POGZ: variants seen among roughly 807,000 people sequenced by gnomAD.
POGZ encodes pogo transposable element derived with ZNF domain.
Under a neutral mutation model 134.6 loss-of-function variants are expected in POGZ, and 17 were observed. The ratio of observed to expected loss-of-function variants is 0.13; its 90% CI spans 0.09 to 0.19. The LOEUF is 0.19. Among genes scored for constraint, POGZ ranks in the 10% least tolerant of loss-of-function variants. The probability of loss-of-function intolerance (pLI) is 1.00; values close to 1 mark genes in which losing one functional copy is unlikely to be tolerated. For missense variants in POGZ, 1,306 were observed against 1,769.7 expected (o/e 0.74, Z 4.70); for synonymous variants, 693 against 657.1 (o/e 1.05, Z -0.84).
At chr1:151,442,710 CA>C (rs1277790279) in intron 1 of POGZ, among the ~76,000 whole-genome samples, 4,514 of 99,146 alleles carry the variant, frequency 0.046, 256 homozygotes, top group African/African-American at 0.17. Flanking sequence ...GACTCTGTCT[CA>C]AAAAAAAAAA....
At chr1:151,415,061 T>C (rs1288033413) in intron 10 of POGZ, among the ~76,000 whole-genome samples, 2 of 152,218 alleles carry the variant, frequency 1.3e-5, no homozygotes, top group Non-Finnish European at 2.9e-5. Flanking sequence ...TGCTGCTTGT[T>C]TTCCAAATTA....
intron 1 of POGZ, among the ~76,000 whole-genome samples, chr1:151,443,698 CA>C (rs1660882079): frequency 6.6e-6 from 1 of 152,020 alleles, no homozygotes; most frequent in Non-Finnish European, 1.5e-5. Flanking sequence ...TGGGCAACAA[CA>C]GCGAAAGTCC....
At chr1:151,455,893 T>C (rs1662707364) in intron 1 of POGZ, among the ~76,000 whole-genome samples, 1 of 139,232 alleles carries the variant, frequency 7.2e-6, no homozygotes, top group Non-Finnish European at 1.5e-5. Flanking sequence ...GTAGTTTCTT[T>C]CTTTTTTTTT....
Position 151,406,283 on chromosome 1 carries a change from G to C in POGZ, c.2752C>G (p.Pro918Ala). ...GCCTGCGGGTGAGTGGGGGTTGGTG[G>C]TGGGGTTGCAGTTGAGGCTGGTGAT... is the stretch of plus-strand genomic sequence containing the variant. ...LPSPASTATP[P>A]PTPTHPQALA... is the part of the protein sequence containing the mutation. Residue 918 changes from proline (P) to alanine (A), a missense_variant, in exon 19 of 19, where the codon CCA becomes GCA. This residue lies in a region of POGZ where 214 missense variants were observed against 255.5 expected (regional missense o/e 0.84). Transcript: ENST00000271715. The C allele has an allele frequency of 6.2e-7, 1 of 1,612,180 alleles. No individual in the cohort carries two copies. The highest frequency in any genetic ancestry group is 8.5e-7 in the Non-Finnish European group (1 of 1,178,804).
At chr1:151,440,887 C>A in intron 3 of POGZ, 41 bp downstream of exon 3, 4 of 1,569,346 alleles carry the variant, frequency 2.5e-6, no homozygotes, top group Non-Finnish European at 3.5e-6. Context: ...TTCTTTCACC[C>A]CTCTAGCCCA....
At position 151,405,386 on chromosome 1, in the gene POGZ, T is replaced by G; in HGVS notation, c.3649A>C (p.Thr1217Pro). 6.2e-7 allele frequency: 1 copy of G among 1,614,080 alleles called. No homozygotes were observed. The highest frequency in any genetic ancestry group is 8.5e-7 in the Non-Finnish European group (1 of 1,179,914). The change falls in exon 19 of 19, where the codon ACA becomes CCA. Residue 1217 changes from threonine to proline, a missense_variant. Transcript: ENST00000271715. The surrounding 1 kb of genome is among the most constrained non-coding windows in gnomAD (Gnocchi z 4.9). ...LWSTRVWQKH[T>P]ACQRSKGMLV... The stretch of plus-strand genomic sequence containing the variant: ...ATGCCTTTGCTGCGCTGGCAAGCTG[T>G]GTGCTTCTGCCACACTCGAGTTGAC...
rs529450836 is a variant in POGZ, at chr1:151,441,510, G to C, written c.125-424C>G. Among the ~76,000 whole-genome samples the C allele has an allele frequency of 5.9e-5, 9 of 152,224 alleles. No homozygotes were observed. The East Asian group carries it at 1.5e-3, about 26-fold the overall frequency. ...TCAAGACAGGAAAGATAAAAATATA[G>C]AGCAACTGGTACAATTTAGGGGAGC... On this transcript the variant is annotated intron_variant, in intron 2 of 18. Transcript: ENST00000271715.
At chr1:151,425,186 C>T (rs1467928838) in intron 7 of POGZ, 125 bp from the exon 8 acceptor site, 2 of 604,456 alleles carry the variant, frequency 3.3e-6, no homozygotes, top group African/African-American at 3.7e-5. Flanking sequence ...CATGAGAGAT[C>T]ACTATGGTTT....
In POGZ at chr1:151,407,304, AAG is replaced by A; in HGVS notation, c.2376-15_2376-14del. 6.3e-7 allele frequency: 1 copy of A among 1,597,386 alleles called. No homozygotes were observed. Among genetic ancestry groups the A allele is most frequent in the Non-Finnish European group, 8.6e-7 (1 of 1,169,302 alleles). On this transcript the variant is annotated splice_polypyrimidine_tract_variant and intron_variant, in intron 15 of 18. Transcript: ENST00000271715. ...TGGAACATGATTGCTGAGAAAGACA[AAG>A]AAGTGGTATGAGTTACGGAGTTCTG... is the stretch of plus-strand genomic sequence containing the variant.
chr1:151,440,899 GATT>G (rs779019875), intron 3 of POGZ, 26 bp downstream of exon 3: 20 of 1,598,464 alleles, frequency 1.3e-5, no homozygotes, highest in East Asian at 4.5e-5. Flanking sequence ...TCTAGCCCAG[GATT>G]ATTATTTCCC....
In POGZ at chr1:151,408,819, C is replaced by A. The variant is rs771815153; in HGVS notation, c.1936G>T (p.Val646Phe). ...QHYMRHQKRN[V>F]YHCNKCRLQF... ...AGCCGGCATTTGTTGCAGTGATAAA[C>A]ATTTCTCTTCTGAAGTGGGGGAGGG... Residue 646 changes from valine to phenylalanine, a missense_variant, in exon 13 of 19, where the codon GTT (valine) becomes TTT (phenylalanine). Physicochemically the swap from Val to Phe is conservative, Grantham distance 50. Coordinates refer to ENST00000271715, the MANE Select transcript of POGZ (RefSeq NM_015100.4). The A allele has an allele frequency of 6.2e-7, 1 of 1,605,392 alleles. No individual in the cohort carries two copies.
chr1:151,408,351 A>G, intron 14 of POGZ, 58 bp downstream of exon 14: 1 of 1,558,592 alleles, frequency 6.4e-7, no homozygotes, highest in Non-Finnish European at 8.7e-7. Flanking sequence ...ACTGTGTATC[A>G]GGAATAATCC....
chr1:151,418,231 G>A (rs1656134890), intron 10 of POGZ, among the ~76,000 whole-genome samples: 1 of 151,710 alleles, frequency 6.6e-6, no homozygotes, highest in African/African-American at 2.4e-5. Context: ...AAAAAAAGAT[G>A]TGGTATATAT....
chr1:151,420,085 G>C (rs1459269271), intron 10 of POGZ, among the ~76,000 whole-genome samples: 1 of 152,062 alleles, frequency 6.6e-6, no homozygotes, highest in African/African-American at 2.4e-5. Flanking sequence ...CTACTCAGGA[G>C]GCTGAGGTGG....
chr1:151,406,373 T>C lies in POGZ; in HGVS notation c.2662A>G (p.Lys888Glu). 6.3e-7 allele frequency: 1 copy of C among 1,586,974 alleles called. No individual in the cohort carries two copies. Among genetic ancestry groups the C allele is most frequent in the Non-Finnish European group, 8.6e-7 (1 of 1,167,868 alleles). ...TCAGCTGGGGTGGCCCCCGCAGATTTCACAGTGGCAGCTTTGTTAGTGGGG... is the reference window on the plus strand; with the variant it reads ...TCAGCTGGGGTGGCCCCCGCAGATTCCACAGTGGCAGCTTTGTTAGTGGGG... Reference protein sequence around the residue: ...SFPTNKAATVKSAGATPAEPE... With the variant: ...SFPTNKAATVESAGATPAEPE... Residue 888 changes from lysine to glutamate, a missense_variant, in exon 19 of 19, where the codon AAA (lysine) becomes GAA (glutamate). Coordinates refer to ENST00000271715, the MANE Select transcript of POGZ (RefSeq NM_015100.4).
At chr1:151,419,536 G>A (rs1171441240) in intron 10 of POGZ, among the ~76,000 whole-genome samples, 1 of 151,598 alleles carries the variant, frequency 6.6e-6, no homozygotes, top group Admixed American at 6.6e-5. Flanking sequence ...GGGCATAGTG[G>A]CATGTGTCTG....
At chr1:151,417,904 C>G (rs1158837617) in intron 10 of POGZ, among the ~76,000 whole-genome samples, 2 of 152,060 alleles carry the variant, frequency 1.3e-5, no homozygotes, top group African/African-American at 4.8e-5. Flanking sequence ...TATTGCTGCA[C>G]AGTTCACAAT....
At chr1:151,455,894 CTTTTTTTTTTT>C (rs768038263) in intron 1 of POGZ, among the ~76,000 whole-genome samples, 1 of 117,564 alleles carries the variant, frequency 8.5e-6, no homozygotes, top group African/African-American at 3.3e-5. Flanking sequence ...TAGTTTCTTT[CTTTTTTTTTTT>C]TTTTTTTTTT....
In POGZ at chr1:151,411,660, C is replaced by T. The variant is rs1654695713; in HGVS notation, c.1891G>A (p.Gly631Ser). 6.2e-7 allele frequency: 1 copy of T among 1,612,786 alleles called. No individual in the cohort carries two copies. The highest frequency in any genetic ancestry group is 8.5e-7 in the Non-Finnish European group (1 of 1,179,564). ...CPYCLKVFKNGNAFQQHYMRH... is the reference protein window; with the variant it reads ...CPYCLKVFKNSNAFQQHYMRH... The stretch of plus-strand genomic sequence containing the variant: ...ATGTAATGCTGTTGGAATGCATTGC[C>T]ATTTTTGAAGACCTTCAGGCAATAA... The change falls in exon 12 of 19, where the codon GGC (glycine) becomes AGC (serine). Residue 631 changes from glycine to serine, a missense_variant. Around this residue, in one of 10 missense-constraint regions of POGZ, gnomAD observed 149 missense variants for 237.5 expected, o/e 0.63. Coordinates refer to ENST00000271715, the MANE Select transcript of POGZ (RefSeq NM_015100.4).
Sources: gnomAD v4.1 joint callset for allele counts (sites outside exome capture counted in the v4.1 genomes callset) on GRCh38, gnomAD v4.1.1 for gene constraint, gnomAD v4.1.1 regional missense constraint, Gnocchi (gnomAD v3.1) non-coding constraint, MANE v1.5 for transcripts, NCBI Gene and HGNC (gene_info 2026-07-23, HGNC 2026-07-21) for gene names.